ELL: variants seen among roughly 807,000 people sequenced by gnomAD.
ELL encodes RNA polymerase II elongation factor ELL.
In ELL, 18 loss-of-function variants were observed where a neutral mutation model predicts 64.0. The ratio of observed to expected loss-of-function variants is 0.28; its 90% CI spans 0.19 to 0.42. ELL has a LOEUF of 0.42. Ranked by LOEUF, ELL falls within the 10% of genes least tolerant of loss-of-function variation. The pLI, the probability that ELL is intolerant of heterozygous loss-of-function variation, is 1.00. For missense variants in ELL, 797 were observed against 870.4 expected, an observed-to-expected ratio of 0.92 and a Z score of 1.06; for synonymous variants, 399 against 376.2, an observed-to-expected ratio of 1.06 and a Z score of -0.70.
intron 1 of ELL, among the ~76,000 whole-genome samples, chr19:18,500,285 G>C (rs1568395916): frequency 6.7e-6 from 1 of 149,888 alleles, no homozygotes; most frequent in Non-Finnish European, 1.5e-5. Flanking sequence ...AAAAAAGTGA[G>C]ACCACCAGCC....
At chr19:18,510,649 G>A (rs955949290) in intron 1 of ELL, among the ~76,000 whole-genome samples, 1 of 152,104 alleles carries the variant, frequency 6.6e-6, no homozygotes, top group Admixed American at 6.5e-5. Context: ...ACATACATGA[G>A]GGCATTTAAA....
At chr19:18,494,634 G>A (rs946039308) in intron 1 of ELL, among the ~76,000 whole-genome samples, 11 of 152,082 alleles carry the variant, frequency 7.2e-5, no homozygotes, top group Admixed American at 1.3e-4. Flanking sequence ...CAAGTGATCC[G>A]CCCACCTTGG....
intron 1 of ELL, among the ~76,000 whole-genome samples, chr19:18,479,042 G>T (rs575012705): frequency 6.6e-6 from 1 of 152,362 alleles, no homozygotes; most frequent in East Asian, 1.9e-4. Flanking sequence ...CACTTCCGGG[G>T]ATGAAGCAAC....
chr19:18,464,608 G>A (rs942121743), intron 4 of ELL, among the ~76,000 whole-genome samples: 7 of 152,086 alleles, frequency 4.6e-5, no homozygotes, highest in Admixed American at 1.3e-4. Context: ...TGCTTTCTTC[G>A]GAAGGAGGAG....
chr19:18,492,207 C>T (rs1975547737), intron 1 of ELL, among the ~76,000 whole-genome samples: 2 of 152,142 alleles, frequency 1.3e-5, no homozygotes, highest in African/African-American at 4.8e-5. Context: ...GGGTTACCTA[C>T]CTCTGTGAGG....
At chr19:18,489,396 C>CG (rs924997521) in intron 1 of ELL, among the ~76,000 whole-genome samples, 11 of 152,190 alleles carry the variant, frequency 7.2e-5, no homozygotes, top group African/African-American at 2.7e-4. Flanking sequence ...CTGGCCGCCC[C>CG]GGGTGCTCCC....
At chr19:18,520,918 G>A (rs1274683019) in intron 1 of ELL, among the ~76,000 whole-genome samples, 1 of 151,950 alleles carries the variant, frequency 6.6e-6, no homozygotes, top group Non-Finnish European at 1.5e-5. Flanking sequence ...AGCACAGACG[G>A]GGGGAGGGGG....
At chr19:18,515,483 T>C (rs560088685) in intron 1 of ELL, among the ~76,000 whole-genome samples, 2 of 152,314 alleles carry the variant, frequency 1.3e-5, no homozygotes, top group Admixed American at 6.5e-5. Flanking sequence ...TTCAGCCTCC[T>C]CCAGAGTCTC....
chr19:18,489,166 G>A (rs931675136), intron 1 of ELL, among the ~76,000 whole-genome samples: 3 of 152,234 alleles, frequency 2.0e-5, no homozygotes, highest in Non-Finnish European at 4.4e-5. Flanking sequence ...TTGCCTAGCA[G>A]CTGACACACA....
chr19:18,491,986 T>G (rs34436202), intron 1 of ELL, among the ~76,000 whole-genome samples: 12,810 of 152,244 alleles, frequency 0.084, 761 homozygotes, highest in Non-Finnish European at 0.12. Flanking sequence ...AGATTCTGTT[T>G]TGAGAGCCCT....
intron 1 of ELL, among the ~76,000 whole-genome samples, chr19:18,506,642 T>C (rs1975889606): frequency 1.3e-5 from 2 of 152,162 alleles, no homozygotes; most frequent in Non-Finnish European, 2.9e-5. Flanking sequence ...GGAGGATCAC[T>C]TGAGCCCGGG....
intron 1 of ELL, among the ~76,000 whole-genome samples, chr19:18,481,860 G>C (rs970479160): frequency 2.6e-5 from 4 of 152,172 alleles, no homozygotes; most frequent in Non-Finnish European, 5.9e-5. Context: ...CATTTCACTT[G>C]GTGAACACCC....
At chr19:18,447,023 A>C (rs1974431408) in intron 8 of ELL, among the ~76,000 whole-genome samples, 1 of 152,226 alleles carries the variant, frequency 6.6e-6, no homozygotes, top group Non-Finnish European at 1.5e-5. Flanking sequence ...CGTGCCCTCC[A>C]GGTGGTGAGC....
chr19:18,479,634 G>A (rs1319396442), intron 1 of ELL, among the ~76,000 whole-genome samples: 2 of 151,166 alleles, frequency 1.3e-5, no homozygotes, highest in African/African-American at 2.4e-5. Context: ...GCTTGAACCC[G>A]GTAGGCGGAG....
Position 18,501,587 on chromosome 19 carries a change from C to T in ELL, c.135+20334G>A, listed in dbSNP as rs1975781104. Among the ~76,000 whole-genome samples the T allele has an allele frequency of 6.6e-6, 1 of 152,186 alleles. No individual in the cohort carries two copies. The highest frequency in any genetic ancestry group is 6.5e-5 in the Admixed American group (1 of 15,282). On this transcript the variant is annotated intron_variant, in intron 1 of 11. Transcript: ENST00000262809. This position sits in a 1 kb window ranked among gnomAD's most constrained non-coding sequence, Gnocchi z 4.5. The stretch of plus-strand genomic sequence containing the variant: ...AGAGCCAGGCGGATGAGACGGGGGC[C>T]AAGCCAGGGGCCGGCTACTCACGAG...
At chr19:18,451,443 A>T in intron 7 of ELL, 109 bp downstream of exon 7, 1 of 1,046,112 alleles carries the variant, frequency 9.6e-7, no homozygotes, top group Non-Finnish European at 1.3e-6. Flanking sequence ...CTCAACTTGG[A>T]GCAGCTCATG....
intron 1 of ELL, among the ~76,000 whole-genome samples, chr19:18,519,408 C>T (rs1206355202): frequency 6.6e-6 from 1 of 152,184 alleles, no homozygotes; most frequent in Non-Finnish European, 1.5e-5. Flanking sequence ...GTTCTTCAAG[C>T]CACCTTCCTC....
chr19:18,498,141 T>G (rs753264345), intron 1 of ELL, among the ~76,000 whole-genome samples: 64 of 148,798 alleles, frequency 4.3e-4, no homozygotes, highest in African/African-American at 1.3e-3. Flanking sequence ...AAAAAAAAAA[T>G]GTCAGTGCAG....
chr19:18,453,050 T>C (rs930819587), intron 6 of ELL, among the ~76,000 whole-genome samples: 2 of 152,128 alleles, frequency 1.3e-5, no homozygotes, highest in Admixed American at 1.3e-4. Flanking sequence ...GGCAGGCGGA[T>C]CACCTAAGGT....
Sources: allele counts gnomAD v4.1 joint callset (sites outside exome capture counted in the v4.1 genomes callset), GRCh38; gene constraint gnomAD v4.1.1; non-coding constraint Gnocchi (gnomAD v3.1); transcripts MANE v1.5; gene names NCBI Gene and HGNC (gene_info 2026-07-23, HGNC 2026-07-21).